The following TRA2A variants were observed in gnomAD, a reference collection of about 807,000 sequenced individuals.
TRA2A encodes transformer 2 alpha homolog.
TRA2A carries 31 observed loss-of-function variants against 45.7 expected under a neutral mutation model. The ratio of observed to expected loss-of-function variants is 0.68; its 90% CI spans 0.51 to 0.92. The LOEUF is 0.92. Among genes scored for constraint, TRA2A ranks in the 40% least tolerant of loss-of-function variants. The probability of loss-of-function intolerance (pLI) is 0.00; values close to 1 mark genes in which losing one functional copy is unlikely to be tolerated. For missense variants in TRA2A, 304 were observed against 367.5 expected, an observed-to-expected ratio of 0.83 and a Z score of 1.41; for synonymous variants, 132 against 126.2, an observed-to-expected ratio of 1.05 and a Z score of -0.31.
At chr7:23,520,077 A>C (rs1790063795) in intron 2 of TRA2A, among the ~76,000 whole-genome samples, 1 of 152,036 alleles carries the variant, frequency 6.6e-6, no homozygotes, top group African/African-American at 2.4e-5. Context: ...AAATACAAAA[A>C]ATTAGCCAGG....
intron 1 of TRA2A, chr7:23,531,511 G>C: frequency 1.8e-6 from 1 of 555,114 alleles, no homozygotes; most frequent in East Asian, 3.1e-5. Context: ...AGCCTCAGGG[G>C]TGGGGAGAAG....
chr7:23,507,072 C>T (rs990781417), intron 5 of TRA2A: 10 of 194,556 alleles, frequency 5.1e-5, no homozygotes, highest in Non-Finnish European at 7.4e-5. Context: ...AAATGAACAT[C>T]GTGAGCCAGC....
chr7:23,519,479 C>A (rs1185359904), intron 2 of TRA2A, among the ~76,000 whole-genome samples: 2 of 152,080 alleles, frequency 1.3e-5, no homozygotes, highest in Admixed American at 1.3e-4. Context: ...CTCAATGAAC[C>A]CAGGAGGTGG....
chr7:23,525,387 A>G (rs979075095), intron 1 of TRA2A, among the ~76,000 whole-genome samples: 2 of 152,226 alleles, frequency 1.3e-5, no homozygotes, highest in Admixed American at 1.3e-4. Flanking sequence ...TGTCCAGTCA[A>G]GGAATCCTAC....
At chr7:23,516,292 A>C in intron 3 of TRA2A, 71 bp downstream of exon 3, 2 of 1,538,660 alleles carry the variant, frequency 1.3e-6, no homozygotes, top group Non-Finnish European at 1.8e-6. Context: ...GCTCCCCTAA[A>C]AGCAAGATAT....
intron 2 of TRA2A, among the ~76,000 whole-genome samples, chr7:23,518,530 C>T (rs1326497528): frequency 2.0e-5 from 3 of 151,986 alleles, no homozygotes; most frequent in East Asian, 1.9e-4. Context: ...TTAGTAGAGA[C>T]GGGGTTTCCA....
At chr7:23,513,184 T>C (rs1789704654) in intron 3 of TRA2A, 102 bp from the exon 4 acceptor site, 9 of 768,506 alleles carry the variant, frequency 1.2e-5, no homozygotes, top group Non-Finnish European at 1.8e-5. Flanking sequence ...ACAATAAATA[T>C]ATTGTTTCTA....
chr7:23,506,276 A>T lies in TRA2A; in HGVS notation c.642-10T>A. 1 of 1,595,072 alleles carries T rather than the reference A, an allele frequency of 6.3e-7. No homozygotes were observed. The highest frequency in any genetic ancestry group is 8.5e-7 in the Non-Finnish European group (1 of 1,170,550). ...ACCACCCCCACCACTACTGCAGAAA[A>T]ATGTAAAAATTCTCCATTAGTGTGA... On this transcript the variant is annotated splice_polypyrimidine_tract_variant and intron_variant, in intron 5 of 7. Coordinates refer to ENST00000297071, the MANE Select transcript of TRA2A (RefSeq NM_013293.5).
At chr7:23,529,165 T>C (rs1021235779) in intron 1 of TRA2A, among the ~76,000 whole-genome samples, 10 of 152,236 alleles carry the variant, frequency 6.6e-5, no homozygotes, top group Admixed American at 5.9e-4. Context: ...TGAAGCTGTA[T>C]TGAGGCAAAC....
At chr7:23,527,616 T>C (rs1790391012) in intron 1 of TRA2A, among the ~76,000 whole-genome samples, 2 of 152,334 alleles carry the variant, frequency 1.3e-5, no homozygotes, top group South Asian at 4.1e-4. Flanking sequence ...TGCTACATCG[T>C]AGGTTAGAGT....
chr7:23,521,672 A>G, intron 2 of TRA2A, 35 bp downstream of exon 2: 3 of 1,605,102 alleles, frequency 1.9e-6, no homozygotes, highest in Non-Finnish European at 2.6e-6. Context: ...AAAACCCCAG[A>G]AGAATATTTT....
At chr7:23,512,311 A>G (rs986524040) in intron 4 of TRA2A, among the ~76,000 whole-genome samples, 1 of 152,194 alleles carries the variant, frequency 6.6e-6, no homozygotes, top group African/African-American at 2.4e-5. Flanking sequence ...CAACATAGTG[A>G]GACCTCATCT....
intron 4 of TRA2A, among the ~76,000 whole-genome samples, chr7:23,511,238 G>A (rs546191127): frequency 1.9e-4 from 29 of 151,602 alleles, no homozygotes; most frequent in Middle Eastern, 3.4e-3. Context: ...GGACATGGTG[G>A]CGGGCGTCTG....
chr7:23,529,367 T>A (rs996067006), intron 1 of TRA2A, among the ~76,000 whole-genome samples: 12 of 152,092 alleles, frequency 7.9e-5, no homozygotes, highest in African/African-American at 2.7e-4. Flanking sequence ...TTCAAGTAAT[T>A]CTCCTGCCTC....
intron 3 of TRA2A, among the ~76,000 whole-genome samples, chr7:23,514,624 T>G (rs1789775046): frequency 6.6e-6 from 1 of 151,996 alleles, no homozygotes; most frequent in African/African-American, 2.4e-5. Context: ...AGACAGGGCC[T>G]CACTCTCTTG....
chr7:23,527,595 T>A (rs1406304869), intron 1 of TRA2A, among the ~76,000 whole-genome samples: 1 of 152,218 alleles, frequency 6.6e-6, no homozygotes, highest in Non-Finnish European at 1.5e-5. Context: ...TCACACTTCT[T>A]ATAATACACA....
intron 3 of TRA2A, among the ~76,000 whole-genome samples, chr7:23,514,830 G>C (rs1004899832): frequency 4.6e-5 from 7 of 152,150 alleles, no homozygotes; most frequent in African/African-American, 1.7e-4. Flanking sequence ...TAAATTTACA[G>C]ATTTCAAAAC....
chr7:23,530,900 GAA>G (rs1790550467), intron 1 of TRA2A, among the ~76,000 whole-genome samples: 1 of 146,630 alleles, frequency 6.8e-6, no homozygotes, highest in South Asian at 2.1e-4. Flanking sequence ...TAAGATTAAA[GAA>G]AGACAGATTT....
chr7:23,512,070 A>T (rs1430893207), intron 4 of TRA2A, among the ~76,000 whole-genome samples: 1 of 152,204 alleles, frequency 6.6e-6, no homozygotes, highest in Non-Finnish European at 1.5e-5. Context: ...ATTAATTTAA[A>T]CACATATAGC....
Sources: gnomAD v4.1 joint callset for allele counts (sites outside exome capture counted in the v4.1 genomes callset) on GRCh38, gnomAD v4.1.1 for gene constraint, MANE v1.5 for transcripts, NCBI Gene and HGNC (gene_info 2026-07-23, HGNC 2026-07-21) for gene names.